UTP20: variants seen among roughly 807,000 people sequenced by gnomAD.
UTP20 encodes the protein small subunit processome component 20 homolog.
In UTP20, 164 loss-of-function variants were observed where a neutral mutation model predicts 329.5. The ratio of observed to expected loss-of-function variants is 0.50; its 90% CI spans 0.44 to 0.57. The LOEUF is 0.57. Ranked by LOEUF, UTP20 falls within the 20% of genes least tolerant of loss-of-function variation. The pLI, the probability that UTP20 is intolerant of heterozygous loss-of-function variation, is 0.00. For missense variants in UTP20, 3,055 were observed against 3,284.2 expected (o/e 0.93, Z 1.71); for synonymous variants, 1,151 against 1,159.3 (o/e 0.99, Z 0.14).
At position 101,336,631 on chromosome 12, in the gene UTP20, C is replaced by T. The variant is rs1330013993; in HGVS notation, c.3642-1420C>T. On this transcript the variant is annotated intron_variant, in intron 29 of 61. Coordinates refer to ENST00000261637, the MANE Select transcript of UTP20 (RefSeq NM_014503.3). ...TAGCAGTCTCTTCTTCCTGCATGCC[C>T]TTTCCAGCTCTGTAAGGCCCTGTCA... 3.3e-5 allele frequency among the ~76,000 whole-genome samples: 5 copies of T among 152,308 alleles called. No individual in the cohort carries two copies. In the East Asian group the frequency reaches 9.6e-4, roughly 29 times the overall value.
At chr12:101,321,993 A>T in intron 25 of UTP20, among the ~76,000 whole-genome samples, 1 of 139,648 alleles carries the variant, frequency 7.2e-6, no homozygotes, top group Non-Finnish European at 1.5e-5. Context: ...AAAGATCTTT[A>T]TTTATTTTTT....
At chr12:101,333,558 A>C in intron 28 of UTP20, 114 bp downstream of exon 28, 1 of 1,323,396 alleles carries the variant, frequency 7.6e-7, no homozygotes, top group Non-Finnish European at 1.0e-6. Flanking sequence ...TTCCTTTTAC[A>C]TCGAGCCCTT....
chr12:101,384,427 G>C (rs1218035658), intron 60 of UTP20, among the ~76,000 whole-genome samples: 3 of 152,258 alleles, frequency 2.0e-5, no homozygotes, highest in African/African-American at 7.2e-5. Flanking sequence ...TATAATTGCA[G>C]CTACTTAGGA....
chr12:101,334,333 T>C, intron 28 of UTP20, 92 bp from the exon 29 acceptor site: 2 of 1,051,078 alleles, frequency 1.9e-6, no homozygotes, highest in Non-Finnish European at 1.4e-6. Context: ...TTTTTCATCC[T>C]GTGCTGTGAT....
chr12:101,285,952 C>G, intron 4 of UTP20, 71 bp downstream of exon 4: 1 of 1,567,710 alleles, frequency 6.4e-7, no homozygotes, highest in Non-Finnish European at 8.7e-7. Flanking sequence ...TGTTTCAAAG[C>G]TACATATACC....
At chr12:101,355,746 G>C (rs1186497857) in intron 41 of UTP20, among the ~76,000 whole-genome samples, 1 of 151,796 alleles carries the variant, frequency 6.6e-6, no homozygotes, top group Non-Finnish European at 1.5e-5. Context: ...CTAACTCCTG[G>C]TATAAAATAT....
In UTP20 at chr12:101,342,999, C is replaced by T. The variant is rs748505632; in HGVS notation, c.4355C>T (p.Thr1452Ile). 1.2e-6 allele frequency: 2 copies of T among 1,613,936 alleles called. No individual in the cohort carries two copies. The highest frequency in any genetic ancestry group is 2.2e-5 in the South Asian group (2 of 90,996). ...DDINFDVRFE[T>I]FQTITSYIKE... ...ATCAACTTCGACGTTCGCTTTGAGA[C>T]TTTCCAGACCATCACCTCTTACATT... is the stretch of plus-strand genomic sequence containing the variant. The change falls in exon 35 of 62, where the codon ACT becomes ATT. Residue 1452 changes from threonine to isoleucine, a missense_variant. By Grantham distance (89) the Thr-to-Ile change is moderately conservative. This residue lies in a region of UTP20 where 2,445 missense variants were observed against 2,575.5 expected (regional missense o/e 0.95). Transcript: ENST00000261637.
At position 101,355,051 on chromosome 12, in the gene UTP20, T is replaced by G. The variant is rs957622751; in HGVS notation, c.5327T>G (p.Ile1776Ser). 1 of 1,614,142 alleles carries G rather than the reference T, an allele frequency of 6.2e-7. No homozygotes were observed. Among genetic ancestry groups the G allele is most frequent in the African/African-American group, 1.3e-5 (1 of 75,034 alleles). The change falls in exon 41 of 62, where the codon ATT (isoleucine) becomes AGT (serine). Residue 1776 changes from isoleucine (I) to serine (S), a missense_variant. By Grantham distance (142) the Ile-to-Ser change is moderately radical. Transcript: ENST00000261637. ...AACAAGGAAGAAATAGAGAGAACAA[T>G]TAAAAATATCCAAGGAACCATAACC... is the stretch of plus-strand genomic sequence containing the variant. ...PQNKEEIERT[I>S]KNIQGTITGD...
In UTP20 at chr12:101,369,880, A is replaced by T. The variant is rs75031616; in HGVS notation, c.6544A>T (p.Asn2182Tyr). ...GGGCCAGAACTTCCACCTTGTGGTC[A>T]ATTGTTTCAAGGTGAGATGTCTTCA... ...ARGQNFHLVV[N>Y]CFKCVTILVK... Residue 2182 changes from asparagine to tyrosine, a missense_variant, in exon 49 of 62, where the codon AAT (asparagine) becomes TAT (tyrosine). Transcript: ENST00000261637. The T allele has an allele frequency of 6.2e-7, 1 of 1,613,728 alleles. No individual in the cohort carries two copies. The highest frequency in any genetic ancestry group is 2.2e-5 in the East Asian group (1 of 44,870).
rs115119663 is a variant in UTP20 at position 101,355,335 on chromosome 12, G to A, written c.5394+217G>A. Among the ~76,000 whole-genome samples, 657 of 152,208 alleles carry A rather than the reference G, an allele frequency of 4.3e-3. 3 individuals are homozygous for A. Among genetic ancestry groups the A allele is most frequent in the African/African-American group, 0.015 (640 of 41,520 alleles). On this transcript the variant is annotated intron_variant, in intron 41 of 61. Transcript: ENST00000261637. ...ACGCTCCTTCTTTATGATTTTGATA[G>A]GGTAGATAAATGCTTTTCCATCTCC... is the stretch of plus-strand genomic sequence containing the variant.
At chr12:101,380,515 G>A (rs1444406638) in intron 57 of UTP20, among the ~76,000 whole-genome samples, 1 of 152,086 alleles carries the variant, frequency 6.6e-6, no homozygotes, top group African/African-American at 2.4e-5. Flanking sequence ...AGGGTAGAAG[G>A]GAAGAAAAGA....
chr12:101,354,010 A>G (rs749181145), intron 40 of UTP20, among the ~76,000 whole-genome samples: 4 of 152,156 alleles, frequency 2.6e-5, no homozygotes, highest in Non-Finnish European at 5.9e-5. Flanking sequence ...CTGTAATCCC[A>G]GCACTTTTGG....
chr12:101,288,997 A>G lies in UTP20; in HGVS notation c.553A>G (p.Ile185Val), dbSNP rs555371440. 307 of 1,613,998 alleles carry G rather than the reference A, an allele frequency of 1.9e-4. No individual in the cohort carries two copies. Among genetic ancestry groups the G allele is most frequent in the Middle Eastern group, 4.9e-4 (3 of 6,062 alleles). ...ACTCCTGGCTCATAAAAAACTACAT[A>G]TAAGAAATTTTGCTGCTGAAAGTTT... ...STLLAHKKLH[I>V]RNFAAESFTF... Residue 185 changes from isoleucine (I) to valine (V), a missense_variant, in exon 6 of 62, where the codon ATA (isoleucine) becomes GTA (valine). By Grantham distance (29) the Ile-to-Val change is conservative (BLOSUM62 3). Coordinates refer to ENST00000261637, the MANE Select transcript of UTP20 (RefSeq NM_014503.3).
chr12:101,368,118 GT>G, intron 48 of UTP20, 142 bp downstream of exon 48: 4 of 594,788 alleles, frequency 6.7e-6, no homozygotes, highest in South Asian at 2.2e-5. Flanking sequence ...GTTTTTTGGG[GT>G]TTTTGGGTTT....
chr12:101,367,890 A>C lies in UTP20; in HGVS notation c.6298A>C (p.Ile2100Leu), dbSNP rs540667932. The C allele has an allele frequency of 6.2e-7, 1 of 1,613,572 alleles. No individual in the cohort carries two copies. The highest frequency in any genetic ancestry group is 1.3e-5 in the African/African-American group (1 of 74,894). The change falls in exon 48 of 62, where the codon ATC becomes CTC. Residue 2100 changes from isoleucine (I) to leucine (L), a missense_variant. Coordinates refer to ENST00000261637, the MANE Select transcript of UTP20 (RefSeq NM_014503.3). Reference sequence around the variant, plus strand: ...GCATCTGAGTCTGAAGACTTCCAAGATCAAGTCTTCAGGTGAATGTGTCCT... The same window carrying C: ...GCATCTGAGTCTGAAGACTTCCAAGCTCAAGTCTTCAGGTGAATGTGTCCT... ...LLHLSLKTSK[I>L]KSSGECVLEM...
intron 26 of UTP20, among the ~76,000 whole-genome samples, chr12:101,328,592 G>A (rs1301977971): frequency 6.6e-6 from 1 of 152,210 alleles, no homozygotes; most frequent in African/African-American, 2.4e-5. Context: ...TGGAGGACCA[G>A]GCATAGTGGC....
At chr12:101,295,754 A>G (rs2137238713) in intron 12 of UTP20, 96 bp downstream of exon 12, 1 of 1,290,212 alleles carries the variant, frequency 7.8e-7, no homozygotes. Context: ...TATATGTAAC[A>G]GGAAAGATGT....
chr12:101,291,209 A>T (rs992542866), intron 8 of UTP20: 6 of 204,220 alleles, frequency 2.9e-5, no homozygotes, highest in Non-Finnish European at 5.8e-5. Flanking sequence ...TGGGGGTAGT[A>T]ATATTCTCTC....
chr12:101,341,086 C>T (rs1340939049), intron 32 of UTP20, among the ~76,000 whole-genome samples: 1 of 151,360 alleles, frequency 6.6e-6, no homozygotes, highest in African/African-American at 2.4e-5. Flanking sequence ...AGCAATTCTC[C>T]TGCCTCAGCC....
Sources: allele counts gnomAD v4.1 joint callset (sites outside exome capture counted in the v4.1 genomes callset), GRCh38; gene constraint gnomAD v4.1.1; regional missense constraint gnomAD v4.1.1; transcripts MANE v1.5; gene names NCBI Gene and HGNC (gene_info 2026-07-23, HGNC 2026-07-21).